The following UBN2 variants were observed in gnomAD, a reference collection of about 807,000 sequenced individuals.
The protein encoded by UBN2 is ubinuclein-2.
A neutral mutation model predicts 120.2 loss-of-function variants in UBN2; 35 were observed. The ratio of observed to expected loss-of-function variants is 0.29; its 90% CI spans 0.22 to 0.39. The LOEUF (loss-of-function observed/expected upper bound fraction) is 0.39. Ranked by LOEUF, UBN2 falls within the 10% of genes least tolerant of loss-of-function variation. The pLI is 1.00. For missense variants in UBN2, 1,693 were observed against 1,663.2 expected, an observed-to-expected ratio of 1.02 and a Z score of -0.31; for synonymous variants, 661 against 648.7, an observed-to-expected ratio of 1.02 and a Z score of -0.29.
At chr7:139,245,592 T>C (rs1563204325) in intron 2 of UBN2, among the ~76,000 whole-genome samples, 1 of 152,240 alleles carries the variant, frequency 6.6e-6, no homozygotes, top group South Asian at 2.1e-4. Flanking sequence ...CTTCTACATA[T>C]ATCTGATTGT....
At chr7:139,259,401 G>A (rs1358590073) in intron 5 of UBN2, 31 bp downstream of exon 5, 1 of 1,609,538 alleles carries the variant, frequency 6.2e-7, no homozygotes, top group Non-Finnish European at 8.5e-7. Context: ...GAAGGGAACT[G>A]GCGTCACAGT....
intron 2 of UBN2, among the ~76,000 whole-genome samples, chr7:139,251,061 T>C (rs779896552): frequency 1.3e-5 from 2 of 152,092 alleles, no homozygotes; most frequent in Non-Finnish European, 2.9e-5. Context: ...GCCATGATCA[T>C]GCCACTGCAC....
chr7:139,250,406 T>C (rs1265884226), intron 2 of UBN2, among the ~76,000 whole-genome samples: 1 of 152,058 alleles, frequency 6.6e-6, no homozygotes, highest in Non-Finnish European at 1.5e-5. Context: ...CTAATTTTTG[T>C]ATTTTTAGTA....
chr7:139,321,667 C>G, the UBN2 span, among the ~76,000 whole-genome samples: 2 of 150,462 alleles, frequency 1.3e-5, no homozygotes, highest in African/African-American at 4.9e-5. Context: ...CTCTGGGGGA[C>G]AGCAGGTGGC....
the UBN2 span, among the ~76,000 whole-genome samples, chr7:139,322,647 G>A: frequency 2.2e-5 from 3 of 137,460 alleles, no homozygotes; most frequent in South Asian, 6.8e-4. Context: ...TTGAGACAGA[G>A]CCTCACTCTG....
chr7:139,235,201 G>A (rs1796131366), intron 1 of UBN2, among the ~76,000 whole-genome samples: 1 of 152,054 alleles, frequency 6.6e-6, no homozygotes, highest in African/African-American at 2.4e-5. Flanking sequence ...TCATACCATA[G>A]TAAGTATTTG....
chr7:139,297,686 A>G, intron 17 of UBN2, 101 bp from the exon 18 acceptor site: 1 of 1,039,246 alleles, frequency 9.6e-7, no homozygotes, highest in Non-Finnish European at 1.5e-6. Context: ...CAGAGATGTC[A>G]TCCACAAAAG....
intron 2 of UBN2, among the ~76,000 whole-genome samples, chr7:139,249,208 C>A (rs959646917): frequency 5.3e-5 from 8 of 152,096 alleles, no homozygotes; most frequent in African/African-American, 1.9e-4. Flanking sequence ...CCATTACTTA[C>A]ATTTCGCACC....
chr7:139,330,200 A>T, the UBN2 span, among the ~76,000 whole-genome samples: 1 of 152,246 alleles, frequency 6.6e-6, no homozygotes, highest in Non-Finnish European at 1.5e-5. Flanking sequence ...ATCACCTTAG[A>T]TGACCTCAAT....
At chr7:139,272,278 G>T (rs766401307) in intron 8 of UBN2, 44 bp from the exon 9 acceptor site, 1 of 1,456,846 alleles carries the variant, frequency 6.9e-7, no homozygotes, top group Non-Finnish European at 9.4e-7. Context: ...ACAAGATTTC[G>T]TAAATATGTC....
chr7:139,319,948 T>G, the UBN2 span, among the ~76,000 whole-genome samples: 2 of 150,464 alleles, frequency 1.3e-5, no homozygotes, highest in Admixed American at 6.6e-5. Context: ...TGGTGGCGGG[T>G]GCCTGTAGTC....
intron 2 of UBN2, among the ~76,000 whole-genome samples, chr7:139,243,092 G>T (rs1418205725): frequency 6.6e-6 from 1 of 152,158 alleles, no homozygotes; most frequent in Non-Finnish European, 1.5e-5. Context: ...AGGGGGTCTA[G>T]TACTAAGAAC....
At chr7:139,265,718 G>A (rs1446257803) in intron 6 of UBN2, among the ~76,000 whole-genome samples, 1 of 152,132 alleles carries the variant, frequency 6.6e-6, no homozygotes, top group African/African-American at 2.4e-5. Context: ...AGAAGGTAAT[G>A]TGAAGGGAGA....
At chr7:139,255,198 T>C (rs916471213) in intron 3 of UBN2, among the ~76,000 whole-genome samples, 1 of 152,208 alleles carries the variant, frequency 6.6e-6, no homozygotes, top group Non-Finnish European at 1.5e-5. Context: ...GAAAATCATA[T>C]AGTATGTAAC....
intron 15 of UBN2, among the ~76,000 whole-genome samples, chr7:139,290,145 A>G (rs1797910472): frequency 6.6e-6 from 1 of 152,098 alleles, no homozygotes; most frequent in African/African-American, 2.4e-5. Context: ...CATGTTGGTC[A>G]GGCTGGTTTC....
chr7:139,270,902 G>A (rs1797253180), intron 8 of UBN2, among the ~76,000 whole-genome samples: 2 of 152,052 alleles, frequency 1.3e-5, no homozygotes, highest in South Asian at 2.1e-4. Flanking sequence ...GTGCCACCAC[G>A]CCCAGATAAT....
intron 13 of UBN2, among the ~76,000 whole-genome samples, chr7:139,279,954 G>T (rs1797555998): frequency 6.6e-5 from 10 of 152,180 alleles, no homozygotes; most frequent in Admixed American, 6.5e-4. Flanking sequence ...TTCTGGTTTG[G>T]GGGAAGAATG....
intron 2 of UBN2, among the ~76,000 whole-genome samples, chr7:139,246,440 C>G (rs1182238007): frequency 6.6e-6 from 1 of 152,088 alleles, no homozygotes; most frequent in African/African-American, 2.4e-5. Flanking sequence ...GGCCAGCATT[C>G]TAGTATTGAC....
chr7:139,244,035 G>C (rs1391075803), intron 2 of UBN2, among the ~76,000 whole-genome samples: 1 of 152,114 alleles, frequency 6.6e-6, no homozygotes, highest in Admixed American at 6.5e-5. Context: ...ATAAAACTCG[G>C]AAGATACAAA....
Sources: gnomAD v4.1 joint callset for allele counts (sites outside exome capture counted in the v4.1 genomes callset) on GRCh38, gnomAD v4.1.1 for gene constraint, MANE v1.5 for transcripts, NCBI Gene and HGNC (gene_info 2026-07-23, HGNC 2026-07-21) for gene names.